Variants in NEDD9 observed in about 807,000 individuals in gnomAD.
NEDD9 encodes the protein enhancer of filamentation 1.
A neutral mutation model predicts 76.6 loss-of-function variants in NEDD9; 26 were observed. The ratio of observed to expected loss-of-function variants is 0.34; its 90% CI spans 0.25 to 0.47. NEDD9 has a LOEUF of 0.47. Among genes scored for constraint, NEDD9 ranks in the 20% least tolerant of loss-of-function variants. The probability of loss-of-function intolerance (pLI) is 1.00; values close to 1 mark genes in which losing one functional copy is unlikely to be tolerated. For missense variants in NEDD9, 937 were observed against 1,058.5 expected (o/e 0.89, Z 1.59); for synonymous variants, 392 against 414.2 (o/e 0.95, Z 0.65).
At chr6:11,305,370 A>G (rs1400034129) in intron 3 of NEDD9, 1 of 291,192 alleles carries the variant, frequency 3.4e-6, no homozygotes, top group African/African-American at 2.2e-5. Flanking sequence ...GCAAGGACCA[A>G]AATTCAGATC....
At chr6:11,203,818 C>T (rs1008147841) in intron 2 of NEDD9, among the ~76,000 whole-genome samples, 1 of 152,124 alleles carries the variant, frequency 6.6e-6, no homozygotes, top group African/African-American at 2.4e-5. Context: ...TGTGTCCCTG[C>T]CTGCTCCTGC....
intron 5 of NEDD9, 78 bp downstream of exon 5, chr6:11,189,886 C>T (rs980498803): frequency 2.0e-6 from 3 of 1,471,046 alleles, no homozygotes; most frequent in East Asian, 2.3e-5. Flanking sequence ...CAGTCCAACC[C>T]GACATCCTTA....
intron 1 of NEDD9, among the ~76,000 whole-genome samples, chr6:11,369,301 A>G (rs992294325): frequency 6.6e-5 from 10 of 152,130 alleles, no homozygotes; most frequent in African/African-American, 2.4e-4. Flanking sequence ...ATTTATTTTT[A>G]TCAATTATTT....
At chr6:11,346,482 C>CCA (rs1762366587) in intron 1 of NEDD9, among the ~76,000 whole-genome samples, 1 of 151,286 alleles carries the variant, frequency 6.6e-6, no homozygotes, top group South Asian at 2.1e-4. Flanking sequence ...CGGAGGCCCC[C>CCA]CCCCCCGAGG....
At chr6:11,351,857 G>A (rs1190807373) in intron 1 of NEDD9, among the ~76,000 whole-genome samples, 1 of 152,194 alleles carries the variant, frequency 6.6e-6, no homozygotes, top group Admixed American at 6.5e-5. Flanking sequence ...CATTATAGGG[G>A]CCTCAGCCAT....
chr6:11,356,335 C>T (rs1008059299), intron 1 of NEDD9, among the ~76,000 whole-genome samples: 1 of 152,148 alleles, frequency 6.6e-6, no homozygotes, highest in Non-Finnish European at 1.5e-5. Flanking sequence ...ATTTCTACTC[C>T]GTTGGAATTG....
At chr6:11,222,230 T>C (rs1352693187) in intron 1 of NEDD9, among the ~76,000 whole-genome samples, 1 of 152,212 alleles carries the variant, frequency 6.6e-6, no homozygotes, top group Non-Finnish European at 1.5e-5. Context: ...CTGGCAACTG[T>C]TGTCCATCTC....
chr6:11,216,828 T>C (rs766155541), intron 1 of NEDD9, among the ~76,000 whole-genome samples: 8 of 152,358 alleles, frequency 5.3e-5, no homozygotes, highest in Non-Finnish European at 8.8e-5. Context: ...ATTCCAATGA[T>C]GCTATTATAT....
At chr6:11,306,101 A>G in exon 3 of NEDD9, 1 of 1,408,362 alleles carries the variant, frequency 7.1e-7, no homozygotes, top group Non-Finnish European at 1.0e-6. Flanking sequence ...CTCTACTTGA[A>G]GAACATATGA....
chr6:11,320,175 A>G (rs1199142041), intron 2 of NEDD9, among the ~76,000 whole-genome samples: 2 of 152,188 alleles, frequency 1.3e-5, no homozygotes, highest in African/African-American at 4.8e-5. Context: ...TCCACTGCCA[A>G]GCTGAGTTGA....
At chr6:11,346,712 T>G (rs1418711864) in intron 1 of NEDD9, among the ~76,000 whole-genome samples, 4 of 152,168 alleles carry the variant, frequency 2.6e-5, no homozygotes, top group Admixed American at 2.0e-4. Flanking sequence ...CTTTCAACTT[T>G]TCAAGGCTCT....
intron 1 of NEDD9, among the ~76,000 whole-genome samples, chr6:11,371,113 A>G (rs752104028): frequency 1.3e-5 from 2 of 152,166 alleles, no homozygotes; most frequent in Admixed American, 6.5e-5. Flanking sequence ...TTAAAAAAAG[A>G]CTATTTTTTA....
chr6:11,246,115 G>T (rs1172905128), intron 3 of NEDD9, among the ~76,000 whole-genome samples: 1 of 152,170 alleles, frequency 6.6e-6, no homozygotes, highest in Non-Finnish European at 1.5e-5. Context: ...GAGCTATACT[G>T]CTAACACAAT....
At chr6:11,223,008 CT>C (rs1759192038) in intron 1 of NEDD9, among the ~76,000 whole-genome samples, 1 of 151,742 alleles carries the variant, frequency 6.6e-6, no homozygotes, top group African/African-American at 2.4e-5. Context: ...TTGGTTGTCA[CT>C]GTGTGTGTGT....
chr6:11,256,131 C>A (rs1489367268), intron 3 of NEDD9, among the ~76,000 whole-genome samples: 1 of 152,176 alleles, frequency 6.6e-6, no homozygotes, highest in Non-Finnish European at 1.5e-5. Context: ...ACAACAGCAA[C>A]TCTCTGGAGC....
intron 1 of NEDD9, among the ~76,000 whole-genome samples, chr6:11,226,431 T>C (rs1229866722): frequency 2.6e-5 from 4 of 152,232 alleles, no homozygotes; most frequent in Admixed American, 6.5e-5. Flanking sequence ...CTATATGTTC[T>C]TGCAGAGTAT....
At chr6:11,232,269 C>G (rs1165944604) in intron 1 of NEDD9, among the ~76,000 whole-genome samples, 2 of 152,150 alleles carry the variant, frequency 1.3e-5, no homozygotes, top group Non-Finnish European at 2.9e-5. Flanking sequence ...GAGGTATTTC[C>G]CCGGCAACTT....
intron 1 of NEDD9, among the ~76,000 whole-genome samples, chr6:11,347,377 G>T (rs554630876): frequency 6.6e-6 from 1 of 152,096 alleles, no homozygotes; most frequent in East Asian, 1.9e-4. Flanking sequence ...TACTGAAACT[G>T]TTCCCAAAAA....
intron 1 of NEDD9, among the ~76,000 whole-genome samples, chr6:11,366,356 T>A (rs7738560): frequency 1.8e-4 from 25 of 142,482 alleles, no homozygotes; most frequent in East Asian, 6.7e-4. Flanking sequence ...AAGAAAGAAA[T>A]GAAGAAAGAA....
Sources: gnomAD v4.1 joint callset for allele counts (sites outside exome capture counted in the v4.1 genomes callset) on GRCh38, gnomAD v4.1.1 for gene constraint, MANE v1.5 for transcripts, NCBI Gene and HGNC (gene_info 2026-07-23, HGNC 2026-07-21) for gene names.